GRM8: variants seen among roughly 807,000 people sequenced by gnomAD.
GRM8 encodes metabotropic glutamate receptor 8.
Under a neutral mutation model 87.2 loss-of-function variants are expected in GRM8, and 47 were observed. The observed-to-expected ratio is 0.54, with a 90% CI of 0.43 to 0.69. The LOEUF (loss-of-function observed/expected upper bound fraction) is 0.69, where lower values mean the gene tolerates loss of function less well. Ranked by LOEUF, GRM8 falls within the 30% of genes least tolerant of loss-of-function variation. The pLI is 0.00. For synonymous variants in GRM8, 396 were observed against 404.5 expected (o/e 0.98, Z 0.25); for missense variants, 1,019 against 1,139.2 (o/e 0.89, Z 1.52).
At chr7:127,163,210 T>C (rs1360218738) in intron 2 of GRM8, among the ~76,000 whole-genome samples, 1 of 152,128 alleles carries the variant, frequency 6.6e-6, no homozygotes, top group Admixed American at 6.6e-5. Flanking sequence ...CTGGCATCTG[T>C]TTCTGGTGAG....
intron 9 of GRM8, among the ~76,000 whole-genome samples, chr7:126,515,418 T>C (rs1391067240): frequency 4.6e-5 from 7 of 152,222 alleles, no homozygotes; most frequent in South Asian, 2.1e-4. Context: ...CAAAAAGTCA[T>C]CTAAATCAAT....
chr7:126,853,493 C>A (rs1797406215), intron 6 of GRM8, among the ~76,000 whole-genome samples: 1 of 152,162 alleles, frequency 6.6e-6, no homozygotes. Flanking sequence ...ACCTATGAAG[C>A]AGTTAGGACT....
At chr7:126,691,841 A>T (rs534134028) in intron 7 of GRM8, among the ~76,000 whole-genome samples, 6 of 152,192 alleles carry the variant, frequency 3.9e-5, no homozygotes, top group Admixed American at 2.6e-4. Flanking sequence ...TACACCTGAC[A>T]GATCTGCTCA....
rs1280672162 is a variant in GRM8, at chr7:127,015,058, GAAGAAGAAGAAAGA to G, written c.727+91424_727+91437del. On this transcript the variant is annotated intron_variant, in intron 3 of 10. Transcript: ENST00000339582. ...AGAAGAAGAAGAAGAAGAAGAAGAAGAAGAAGAAGAAAGAAAGAAGGAGAAGAAGGAGAAGAAGG... is the reference window on the plus strand; with the variant it reads ...AGAAGAAGAAGAAGAAGAAGAAGAAGAAGAAGGAGAAGAAGGAGAAGAAGG... 3.4e-4 allele frequency among the ~76,000 whole-genome samples: 37 copies of G among 108,462 alleles called. 1 individual carries two copies. The highest frequency in any genetic ancestry group is 2.1e-3 in the South Asian group (7 of 3,260). The allele number at this position is 108,462 out of a possible 152,430, so 71.2% of individuals were successfully genotyped here. A position where few individuals can be genotyped will look rare whatever the true frequency, so the allele number is the denominator to read the frequency against.
chr7:127,098,634 A>T lies in GRM8; in HGVS notation c.727+7862T>A, dbSNP rs17862291. 2.2e-3 allele frequency among the ~76,000 whole-genome samples: 338 copies of T among 152,306 alleles called. 1 individual carries two copies. Among genetic ancestry groups the T allele is most frequent in the Non-Finnish European group, 3.5e-3 (236 of 68,024 alleles). ...TGTCATTTTATATACACAAAAAATG[A>T]ATTAATTAAATTGGTTTCTTACATT... On this transcript the variant is annotated intron_variant, in intron 3 of 10. Coordinates refer to ENST00000339582, the MANE Select transcript of GRM8 (RefSeq NM_000845.3).
chr7:127,175,249 T>TC, intron 2 of GRM8, among the ~76,000 whole-genome samples: 1 of 152,230 alleles, frequency 6.6e-6, no homozygotes, highest in East Asian at 1.9e-4. Flanking sequence ...TATGGACTCC[T>TC]CAGTAGACTG....
chr7:126,877,169 C>T (rs1218426720), intron 6 of GRM8, among the ~76,000 whole-genome samples: 1 of 152,098 alleles, frequency 6.6e-6, no homozygotes, highest in Non-Finnish European at 1.5e-5. Flanking sequence ...TCCTGGCCTT[C>T]CTCTTTCTCT....
chr7:127,053,798 A>AAAGG (rs1554580043), intron 3 of GRM8, among the ~76,000 whole-genome samples: 1 of 104,398 alleles, frequency 9.6e-6, no homozygotes, highest in Non-Finnish European at 1.8e-5. Context: ...AAAAAAAAAA[A>AAAGG]GGGGGGGGGG....
rs1024563199 is a variant in GRM8 at position 126,762,449 on chromosome 7, A to G, written c.1357+7416T>C. On this transcript the variant is annotated intron_variant, in intron 7 of 10. Transcript: ENST00000339582. ...TCCCAAATACACAGTCAACACCATTATATAGTGTTATGCCAACTTTACTGA... is the reference window on the plus strand; with the variant it reads ...TCCCAAATACACAGTCAACACCATTGTATAGTGTTATGCCAACTTTACTGA... Among the ~76,000 whole-genome samples, 5 of 152,214 alleles carry G rather than the reference A, an allele frequency of 3.3e-5. No homozygotes were observed. The South Asian group carries it at 1.0e-3, about 32-fold the overall frequency.
chr7:126,494,051 C>A (rs1411658426), intron 9 of GRM8, among the ~76,000 whole-genome samples: 1 of 151,946 alleles, frequency 6.6e-6, no homozygotes, highest in Non-Finnish European at 1.5e-5. Context: ...ACTGGGGAAG[C>A]ATGGGGTATT....
intron 3 of GRM8, among the ~76,000 whole-genome samples, chr7:126,998,452 G>C (rs185196119): frequency 1.3e-5 from 2 of 151,676 alleles, no homozygotes; most frequent in South Asian, 4.1e-4. Flanking sequence ...GAAATACATG[G>C]TGTCCAAATT....
chr7:126,777,768 T>G (rs971956651), intron 6 of GRM8, among the ~76,000 whole-genome samples: 2 of 152,192 alleles, frequency 1.3e-5, no homozygotes, highest in Admixed American at 1.3e-4. Context: ...CTATAACATT[T>G]TAAGCATTTT....
intron 3 of GRM8, among the ~76,000 whole-genome samples, chr7:127,036,219 A>C (rs1156446510): frequency 6.6e-6 from 1 of 152,138 alleles, no homozygotes; most frequent in Non-Finnish European, 1.5e-5. Flanking sequence ...TTAAAAAAAA[A>C]CTGAGGTATA....
chr7:126,739,406 GCACACACA>G (rs3222171), intron 7 of GRM8, among the ~76,000 whole-genome samples: 1 of 148,690 alleles, frequency 6.7e-6, no homozygotes, highest in Non-Finnish European at 1.5e-5. Flanking sequence ...AATTGTGTTT[GCACACACA>G]CACACACACA....
rs183527175 is a variant in GRM8, at chr7:127,247,189, G to A, written c.-311-3674C>T. 4.7e-4 allele frequency among the ~76,000 whole-genome samples: 72 copies of A among 152,258 alleles called. 1 individual carries two copies. Among genetic ancestry groups the A allele is most frequent in the Admixed American group, 4.2e-3 (64 of 15,296 alleles). ...TCAAAGGGCTGAGAAGATCCAATGC[G>A]GTTTGTCCAAACACTTCTGCTCCAA... On this transcript the variant is annotated intron_variant, in intron 1 of 10. Coordinates refer to ENST00000339582, the MANE Select transcript of GRM8 (RefSeq NM_000845.3).
intron 6 of GRM8, among the ~76,000 whole-genome samples, chr7:126,839,521 G>A (rs1378998290): frequency 6.6e-6 from 1 of 152,100 alleles, no homozygotes; most frequent in Non-Finnish European, 1.5e-5. Context: ...GTAAAACATT[G>A]AATACATTCA....
intron 2 of GRM8, among the ~76,000 whole-genome samples, chr7:127,192,445 G>T (rs1405714157): frequency 6.6e-6 from 1 of 152,172 alleles, no homozygotes; most frequent in African/African-American, 2.4e-5. Flanking sequence ...GCAATTTGTG[G>T]TCTCAGATTC....
intron 2 of GRM8, among the ~76,000 whole-genome samples, chr7:127,162,225 C>T (rs1209510102): frequency 1.3e-5 from 2 of 152,228 alleles, no homozygotes; most frequent in African/African-American, 4.8e-5. Flanking sequence ...ACAGGAGCTA[C>T]AGGTGGGATC....
At chr7:126,635,964 G>A (rs957720924) in intron 7 of GRM8, among the ~76,000 whole-genome samples, 3 of 152,032 alleles carry the variant, frequency 2.0e-5, no homozygotes, top group African/African-American at 7.2e-5. Context: ...CTAGAAAGTT[G>A]ATATTACAGG....
Sources: allele counts gnomAD v4.1 joint callset (sites outside exome capture counted in the v4.1 genomes callset), GRCh38; gene constraint gnomAD v4.1.1; transcripts MANE v1.5; gene names NCBI Gene and HGNC (gene_info 2026-07-23, HGNC 2026-07-21).